Variants in CPD observed in about 807,000 individuals in gnomAD.
CPD encodes metallocarboxypeptidase D.
CPD carries 69 observed loss-of-function variants against 138.3 expected under a neutral mutation model. That is an observed-to-expected ratio of 0.50 (90% CI 0.41 to 0.61). The LOEUF (loss-of-function observed/expected upper bound fraction) is 0.61, where lower values mean the gene tolerates loss of function less well. Ranked by LOEUF, CPD falls within the 20% of genes least tolerant of loss-of-function variation. The probability of loss-of-function intolerance (pLI) is 0.00; values close to 1 mark genes in which losing one functional copy is unlikely to be tolerated. For missense variants in CPD, 1,432 were observed against 1,733.3 expected (o/e 0.83, Z 3.09); for synonymous variants, 651 against 642.1 (o/e 1.01, Z -0.21).
At chr17:30,381,520 A>G (rs1260851802) in intron 1 of CPD, among the ~76,000 whole-genome samples, 1 of 152,210 alleles carries the variant, frequency 6.6e-6, no homozygotes, top group Non-Finnish European at 1.5e-5. Context: ...CTCATTAATC[A>G]AAAGGGAAAG....
intron 2 of CPD, among the ~76,000 whole-genome samples, chr17:30,415,564 A>C (rs1912082180): frequency 6.6e-6 from 1 of 152,218 alleles, no homozygotes; most frequent in South Asian, 2.1e-4. Flanking sequence ...ACAACATAAC[A>C]ATAAAAAACA....
intron 2 of CPD, among the ~76,000 whole-genome samples, chr17:30,387,393 AT>A (rs1276063724): frequency 6.6e-6 from 1 of 152,224 alleles, no homozygotes; most frequent in Non-Finnish European, 1.5e-5. Context: ...TGCTGGAATT[AT>A]GTATGAGCCA....
intron 2 of CPD, among the ~76,000 whole-genome samples, chr17:30,388,677 C>A (rs908762723): frequency 6.6e-6 from 1 of 152,220 alleles, no homozygotes; most frequent in African/African-American, 2.4e-5. Context: ...CCAGCTCCCG[C>A]CGACTCAGTG....
At chr17:30,419,254 C>T (rs1268020706) in intron 2 of CPD, among the ~76,000 whole-genome samples, 1 of 152,180 alleles carries the variant, frequency 6.6e-6, no homozygotes, top group East Asian at 1.9e-4. Flanking sequence ...AAAACTATGA[C>T]ATTGACCTTT....
At chr17:30,445,130 C>T (rs531431535) in intron 11 of CPD, among the ~76,000 whole-genome samples, 1 of 152,124 alleles carries the variant, frequency 6.6e-6, no homozygotes, top group African/African-American at 2.4e-5. Flanking sequence ...TGGGAGTATC[C>T]ACTACAAGCA....
chr17:30,450,901 G>A (rs1316520494), intron 13 of CPD, among the ~76,000 whole-genome samples: 4 of 152,090 alleles, frequency 2.6e-5, no homozygotes, highest in Non-Finnish European at 2.9e-5. Flanking sequence ...GCTTGGGCAC[G>A]TATGATTAAG....
At chr17:30,458,027 A>G (rs1201974699) in intron 17 of CPD, among the ~76,000 whole-genome samples, 1 of 151,976 alleles carries the variant, frequency 6.6e-6, no homozygotes, top group Non-Finnish European at 1.5e-5. Context: ...ACCCATCTCT[A>G]CTAAAAATAC....
At chr17:30,427,316 A>C in intron 6 of CPD, 75 bp from the exon 7 acceptor site, 1 of 1,366,740 alleles carries the variant, frequency 7.3e-7, no homozygotes, top group South Asian at 1.2e-5. Flanking sequence ...GAGTTAAGGT[A>C]TCTAAAGTAG....
At chr17:30,384,923 A>C in intron 1 of CPD, 66 bp from the exon 2 acceptor site, 1 of 1,544,284 alleles carries the variant, frequency 6.5e-7, no homozygotes, top group Non-Finnish European at 8.7e-7. Flanking sequence ...ATTTTGTGGA[A>C]TTTTTTTAAT....
intron 2 of CPD, among the ~76,000 whole-genome samples, chr17:30,412,569 T>C (rs1220335522): frequency 6.6e-6 from 1 of 152,158 alleles, no homozygotes; most frequent in Non-Finnish European, 1.5e-5. Context: ...GTTAACCTAC[T>C]CAAGCCTCAG....
At position 30,434,363 on chromosome 17, in the gene CPD, G is replaced by A. The variant is rs117519182; in HGVS notation, c.2127+2482G>A. 1.6e-3 allele frequency among the ~76,000 whole-genome samples: 244 copies of A among 152,302 alleles called. 2 individuals carry two copies. The highest frequency in any genetic ancestry group is 0.014 in the East Asian group (75 of 5,184). On this transcript the variant is annotated intron_variant, in intron 8 of 20. Coordinates refer to ENST00000225719, the MANE Select transcript of CPD (RefSeq NM_001304.5). Reference sequence around the variant, plus strand: ...CACCTTCGCCCCACCACAAGGCTTTGTGGTGAGGTAAAACAGACCAAGAAA... The same window carrying A: ...CACCTTCGCCCCACCACAAGGCTTTATGGTGAGGTAAAACAGACCAAGAAA...
In CPD at chr17:30,379,303, C is replaced by G. The variant is rs1357734127; in HGVS notation, c.323C>G (p.Pro108Arg). The G allele has an allele frequency of 1.3e-6, 2 of 1,502,404 alleles. No individual in the cohort carries two copies. The highest frequency in any genetic ancestry group is 1.8e-6 in the Non-Finnish European group (2 of 1,132,750). 93.1% of individuals were successfully genotyped at this position (1,502,404 alleles called of 1,614,324 possible). A position where few individuals can be genotyped will look rare whatever the true frequency, so the allele number is the denominator to read the frequency against. The change falls in exon 1 of 21, where the codon CCT (proline) becomes CGT (arginine). Residue 108 changes from proline to arginine, a missense_variant. This residue lies in a region of CPD where 484 missense variants were observed against 477.2 expected (regional missense o/e 1.01). Coordinates refer to ENST00000225719, the MANE Select transcript of CPD (RefSeq NM_001304.5). This position sits in a 1 kb window ranked among gnomAD's most constrained non-coding sequence, Gnocchi z 7.0. ...ACCGCCGGCCTGGGGTCGCTAATCCCTGAGGGCGACGCGGGGCCTGACGCT... is the reference window on the plus strand; with the variant it reads ...ACCGCCGGCCTGGGGTCGCTAATCCGTGAGGGCGACGCGGGGCCTGACGCT... ...RLTAGLGSLI[P>R]EGDAGPDAAG... is the part of the protein sequence containing the mutation.
intron 17 of CPD, among the ~76,000 whole-genome samples, chr17:30,460,251 G>A (rs1386776585): frequency 1.3e-5 from 2 of 152,222 alleles, no homozygotes; most frequent in African/African-American, 4.8e-5. Flanking sequence ...CAGAGCCACA[G>A]AAGTTTAAGA....
rs28574886 is a variant in CPD at position 30,391,188 on chromosome 17, A to T, written c.994+5952A>T. The stretch of plus-strand genomic sequence containing the variant: ...GCGCTGATTTGTATGCCATTTGCCT[A>T]CCGTTCTTTCTTCACAGTTTTGAAG... On this transcript the variant is annotated intron_variant, in intron 2 of 20. Transcript: ENST00000225719. 3.7e-3 allele frequency among the ~76,000 whole-genome samples: 508 copies of T among 138,282 alleles called. 3 individuals carry two copies. The highest frequency in any genetic ancestry group is 0.013 in the African/African-American group (486 of 36,502). The allele number at this position is 138,282 out of a possible 152,430, so 90.7% of individuals were successfully genotyped here.
At chr17:30,428,732 G>A (rs1912487139) in intron 7 of CPD, among the ~76,000 whole-genome samples, 1 of 152,070 alleles carries the variant, frequency 6.6e-6, no homozygotes, top group African/African-American at 2.4e-5. Context: ...AGGTGATAGG[G>A]GAGTGACTGC....
At chr17:30,398,161 A>G (rs1338494924) in intron 2 of CPD, among the ~76,000 whole-genome samples, 2 of 152,144 alleles carry the variant, frequency 1.3e-5, no homozygotes, top group Non-Finnish European at 2.9e-5. Context: ...TTAACAAACA[A>G]ATTGAAGATC....
intron 12 of CPD, among the ~76,000 whole-genome samples, chr17:30,446,223 C>T (rs1042861864): frequency 4.0e-5 from 6 of 151,682 alleles, no homozygotes; most frequent in Non-Finnish European, 7.4e-5. Context: ...ATGTGCACAA[C>T]GTGCAGGTTT....
chr17:30,409,909 T>A (rs1911916121), intron 2 of CPD, among the ~76,000 whole-genome samples: 1 of 152,188 alleles, frequency 6.6e-6, no homozygotes, highest in South Asian at 2.1e-4. Context: ...CTTTTGAATG[T>A]GTTTGCTCTT....
Position 30,422,941 on chromosome 17 carries a change from G to A in CPD, c.1575G>A (p.Arg525=). The A allele has an allele frequency of 6.2e-7, 1 of 1,613,950 alleles. No homozygotes were observed. Among genetic ancestry groups the A allele is most frequent in the Non-Finnish European group, 8.5e-7 (1 of 1,179,936 alleles). ...RFANEYPNIT[R]LYSLGKSVES... Reference sequence around the variant, plus strand: ...CCAATGAATATCCTAACATTACCCGGCTTTATTCCTTGGGAAAATCAGTAG... The same window carrying A: ...CCAATGAATATCCTAACATTACCCGACTTTATTCCTTGGGAAAATCAGTAG... The change falls in exon 5 of 21, where the codon CGG becomes CGA. Residue 525 remains arginine (R), a synonymous_variant. Coordinates refer to ENST00000225719, the MANE Select transcript of CPD (RefSeq NM_001304.5).
Sources: gnomAD v4.1 joint callset for allele counts (sites outside exome capture counted in the v4.1 genomes callset) on GRCh38, gnomAD v4.1.1 for gene constraint, gnomAD v4.1.1 regional missense constraint, Gnocchi (gnomAD v3.1) non-coding constraint, MANE v1.5 for transcripts, NCBI Gene and HGNC (gene_info 2026-07-23, HGNC 2026-07-21) for gene names.